NXPE2: variants seen among roughly 807,000 people sequenced by gnomAD.
NXPE2 encodes NXPE family member 2.
NXPE2 carries 34 observed loss-of-function variants against 34.4 expected under a neutral mutation model. That is an observed-to-expected ratio of 0.99 (90% CI 0.75 to 1.31). The LOEUF is 1.31. NXPE2 is among the 40% of genes most tolerant of loss of function. The pLI is 0.00. For synonymous variants in NXPE2, 235 were observed against 231.3 expected, an observed-to-expected ratio of 1.02 and a Z score of -0.15; for missense variants, 649 against 672.5, an observed-to-expected ratio of 0.97 and a Z score of 0.39.
chr11:114,663,547 A>T, the NXPE2 span, among the ~76,000 whole-genome samples: 1 of 151,368 alleles, frequency 6.6e-6, no homozygotes, highest in Non-Finnish European at 1.5e-5. Flanking sequence ...AGGCCCCTTC[A>T]CCATCTCCTG....
At chr11:114,484,263 G>A in the NXPE2 span, among the ~76,000 whole-genome samples, 1 of 152,170 alleles carries the variant, frequency 6.6e-6, no homozygotes, top group South Asian at 2.1e-4. Context: ...AAAATTCCAA[G>A]TGGAAAGTGA....
chr11:114,602,716 CATATA>C, the NXPE2 span, among the ~76,000 whole-genome samples: 2 of 142,406 alleles, frequency 1.4e-5, no homozygotes, highest in Non-Finnish European at 3.0e-5. Context: ...TACAGAATCA[CATATA>C]ATTATCTCAT....
intron 2 of NXPE2, among the ~76,000 whole-genome samples, chr11:114,687,550 G>A (rs1489419573): frequency 6.6e-6 from 1 of 152,030 alleles, no homozygotes; most frequent in African/African-American, 2.4e-5. Context: ...ACAATGTGAT[G>A]CCACTAGCTG....
chr11:114,530,098 G>A, the NXPE2 span: 1 of 1,418,536 alleles, frequency 7.0e-7, no homozygotes, highest in Non-Finnish European at 9.5e-7. Context: ...CATGCTCAAT[G>A]TTGCAATGGG....
chr11:114,513,966 T>G, the NXPE2 span, among the ~76,000 whole-genome samples: 1 of 152,250 alleles, frequency 6.6e-6, no homozygotes, highest in Non-Finnish European at 1.5e-5. Context: ...TAAATTTCTC[T>G]TTCATTCCTG....
the NXPE2 span, among the ~76,000 whole-genome samples, chr11:114,569,523 G>C: frequency 2.0e-5 from 3 of 152,284 alleles, no homozygotes; most frequent in East Asian, 1.9e-4. Flanking sequence ...CAGTGGTATT[G>C]GAACTGGTAC....
At chr11:114,750,026 C>T in the NXPE2 span, among the ~76,000 whole-genome samples, 1 of 152,168 alleles carries the variant, frequency 6.6e-6, no homozygotes, top group African/African-American at 2.4e-5. Context: ...GGACATTCTT[C>T]TCACCCACCC....
At chr11:114,778,898 C>T in the NXPE2 span, among the ~76,000 whole-genome samples, 1 of 152,140 alleles carries the variant, frequency 6.6e-6, no homozygotes, top group African/African-American at 2.4e-5. Context: ...AGGAAGACCT[C>T]CATTGTGACA....
the NXPE2 span, among the ~76,000 whole-genome samples, chr11:114,589,289 G>C: frequency 6.6e-6 from 1 of 152,064 alleles, no homozygotes; most frequent in African/African-American, 2.4e-5. Flanking sequence ...GGCTCCAGTG[G>C]CTCAAATTCC....
the NXPE2 span, among the ~76,000 whole-genome samples, chr11:114,746,502 TAGG>T: frequency 7.2e-5 from 11 of 152,118 alleles, no homozygotes; most frequent in Non-Finnish European, 1.6e-4. Flanking sequence ...CAAGAATTAG[TAGG>T]AGATCTACTT....
At chr11:114,539,138 A>G in the NXPE2 span, among the ~76,000 whole-genome samples, 2 of 152,230 alleles carry the variant, frequency 1.3e-5, no homozygotes, top group African/African-American at 4.8e-5. Flanking sequence ...TTTTAGGGAC[A>G]TGGATGAAGC....
At chr11:114,534,030 C>A in the NXPE2 span, among the ~76,000 whole-genome samples, 1 of 152,186 alleles carries the variant, frequency 6.6e-6, no homozygotes, top group Non-Finnish European at 1.5e-5. Context: ...CTGGGAGGCA[C>A]CCCCCAGTAG....
At chr11:114,739,177 CAGGA>C in the NXPE2 span, among the ~76,000 whole-genome samples, 1 of 152,214 alleles carries the variant, frequency 6.6e-6, no homozygotes, top group Admixed American at 6.5e-5. Context: ...TCAGGTGCCA[CAGGA>C]AGACCATTTA....
the NXPE2 span, among the ~76,000 whole-genome samples, chr11:114,715,946 A>T: frequency 6.6e-6 from 1 of 152,174 alleles, no homozygotes; most frequent in Non-Finnish European, 1.5e-5. Flanking sequence ...AACCGATCAA[A>T]CCAGACTTTT....
At chr11:114,500,275 T>C in the NXPE2 span, among the ~76,000 whole-genome samples, 1 of 152,126 alleles carries the variant, frequency 6.6e-6, no homozygotes, top group African/African-American at 2.4e-5. Context: ...TAATAATTGA[T>C]ATTGTCAGTC....
At chr11:114,521,884 TA>T in the NXPE2 span, 5 of 1,094,544 alleles carry the variant, frequency 4.6e-6, no homozygotes, top group Non-Finnish European at 6.7e-6. Flanking sequence ...CCTTAGTTCC[TA>T]AAATGAGTAA....
the NXPE2 span, among the ~76,000 whole-genome samples, chr11:114,716,729 C>A: frequency 4.6e-5 from 7 of 152,154 alleles, no homozygotes; most frequent in South Asian, 6.2e-4. Context: ...GATTAGGAGA[C>A]CTGCCCTACT....
At chr11:114,609,941 C>CTA in the NXPE2 span, among the ~76,000 whole-genome samples, 6 of 151,896 alleles carry the variant, frequency 4.0e-5, no homozygotes, top group South Asian at 1.2e-3. Flanking sequence ...AGTGTTGCCT[C>CTA]GTGGGTAACC....
the NXPE2 span, among the ~76,000 whole-genome samples, chr11:114,766,850 A>G: frequency 2.6e-5 from 4 of 152,122 alleles, no homozygotes; most frequent in Admixed American, 1.3e-4. Flanking sequence ...GGAAACTACT[A>G]CAGTGCTGGG....
Sources: allele counts gnomAD v4.1 joint callset (sites outside exome capture counted in the v4.1 genomes callset), GRCh38; gene constraint gnomAD v4.1.1; transcripts MANE v1.5; gene names NCBI Gene and HGNC (gene_info 2026-07-23, HGNC 2026-07-21).